The following ROBO2 variants were observed in gnomAD, a reference collection of about 807,000 sequenced individuals.
The protein encoded by ROBO2 is roundabout homolog 2.
A neutral mutation model predicts 160.8 loss-of-function variants in ROBO2; 53 were observed. The observed-to-expected ratio is 0.33, with a 90% CI of 0.26 to 0.41. The LOEUF (loss-of-function observed/expected upper bound fraction) is 0.41, where lower values mean the gene tolerates loss of function less well. Among genes scored for constraint, ROBO2 ranks in the 10% least tolerant of loss-of-function variants. The pLI, the probability that ROBO2 is intolerant of heterozygous loss-of-function variation, is 1.00. For synonymous variants in ROBO2, 664 were observed against 611.7 expected, an observed-to-expected ratio of 1.09 and a Z score of -1.26; for missense variants, 1,577 against 1,722.4, an observed-to-expected ratio of 0.92 and a Z score of 1.49.
chr3:76,126,146 C>T (rs2070979961), intron 2 of ROBO2, among the ~76,000 whole-genome samples: 1 of 152,126 alleles, frequency 6.6e-6, no homozygotes, highest in Non-Finnish European at 1.5e-5. Context: ...GGAAAAATAG[C>T]ATTGTCAGTA....
chr3:76,406,086 AT>A lies in ROBO2; in HGVS notation c.109+468490del, dbSNP rs1212326241. Among the ~76,000 whole-genome samples, 11 of 151,762 alleles carry A rather than the reference AT, an allele frequency of 7.2e-5. 1 individual carries two copies. In the South Asian group the frequency reaches 1.5e-3, roughly 20 times the overall value. ...AACCAAGAATTATATTTATTACACA[AT>A]TTTTTCATTTCAGTATTGATTGTAT... On this transcript the variant is annotated intron_variant, in intron 2 of 26. Coordinates refer to the ROBO2 transcript ENST00000487694.
chr3:76,583,791 A>G (rs1450044898), intron 2 of ROBO2, among the ~76,000 whole-genome samples: 1 of 152,116 alleles, frequency 6.6e-6, no homozygotes, highest in East Asian at 1.9e-4. Context: ...TATAACCCAT[A>G]TGCCTTTATT....
At chr3:76,010,920 A>G (rs2066173287) in intron 2 of ROBO2, among the ~76,000 whole-genome samples, 1 of 152,220 alleles carries the variant, frequency 6.6e-6, no homozygotes, top group South Asian at 2.1e-4. Context: ...TTAGTACAAA[A>G]TATTGCCCAA....
intron 1 of ROBO2, among the ~76,000 whole-genome samples, chr3:77,081,862 G>A (rs2068702440): frequency 6.6e-6 from 1 of 152,128 alleles, no homozygotes; most frequent in Non-Finnish European, 1.5e-5. Flanking sequence ...TGCTTGGGTG[G>A]TTTTGGTAAT....
intron 2 of ROBO2, among the ~76,000 whole-genome samples, chr3:77,183,630 T>C (rs2081008560): frequency 6.6e-6 from 1 of 152,016 alleles, no homozygotes; most frequent in Non-Finnish European, 1.5e-5. Flanking sequence ...AAACAATATA[T>C]TTCTTTTGTG....
chr3:76,876,411 A>C (rs930607738), intron 2 of ROBO2, among the ~76,000 whole-genome samples: 1 of 152,210 alleles, frequency 6.6e-6, no homozygotes, highest in African/African-American at 2.4e-5. Flanking sequence ...ATGGTGGCTC[A>C]TGCCTGTAAT....
intron 1 of ROBO2, among the ~76,000 whole-genome samples, chr3:77,064,127 C>G (rs1461164040): frequency 6.6e-6 from 1 of 152,014 alleles, no homozygotes; most frequent in Non-Finnish European, 1.5e-5. Context: ...ATTGTTTTCA[C>G]TTATTATGCT....
intron 2 of ROBO2, among the ~76,000 whole-genome samples, chr3:77,004,515 G>C (rs1009197469): frequency 1.3e-5 from 2 of 152,118 alleles, no homozygotes; most frequent in Admixed American, 6.5e-5. Flanking sequence ...CTTGCCTGAA[G>C]CTATACAATG....
intron 2 of ROBO2, among the ~76,000 whole-genome samples, chr3:77,141,992 G>C (rs1037204662): frequency 1.3e-5 from 2 of 152,098 alleles, no homozygotes; most frequent in African/African-American, 4.8e-5. Context: ...TTAAAAATAT[G>C]GGCACCATTT....
intron 2 of ROBO2, among the ~76,000 whole-genome samples, chr3:76,856,817 A>G (rs899154403): frequency 3.3e-5 from 5 of 152,228 alleles, no homozygotes; most frequent in African/African-American, 1.2e-4. Context: ...ACAACCCTGT[A>G]TTAGCAGACA....
intron 2 of ROBO2, among the ~76,000 whole-genome samples, chr3:76,475,553 A>C (rs2078889823): frequency 6.6e-6 from 1 of 152,020 alleles, no homozygotes; most frequent in African/African-American, 2.4e-5. Flanking sequence ...TTCCTCATTA[A>C]AAAAAATTTC....
chr3:76,481,471 T>C (rs1443454331), intron 2 of ROBO2, among the ~76,000 whole-genome samples: 4 of 152,154 alleles, frequency 2.6e-5, no homozygotes, highest in African/African-American at 9.6e-5. Context: ...AGCACATTCA[T>C]TGTATAGACA....
chr3:77,376,438 G>A (rs1420911008), intron 2 of ROBO2, among the ~76,000 whole-genome samples: 2 of 151,894 alleles, frequency 1.3e-5, no homozygotes, highest in African/African-American at 4.8e-5. Context: ...GATTACAGAC[G>A]TGAGCCACCG....
intron 2 of ROBO2, among the ~76,000 whole-genome samples, chr3:76,880,072 T>C (rs1387207700): frequency 6.6e-6 from 1 of 152,172 alleles, no homozygotes; most frequent in African/African-American, 2.4e-5. Context: ...CATGAATCCT[T>C]ATTTCTGTAA....
chr3:76,065,467 G>T (rs183973174), intron 2 of ROBO2, among the ~76,000 whole-genome samples: 3 of 151,902 alleles, frequency 2.0e-5, no homozygotes, highest in South Asian at 2.1e-4. Context: ...ACCAAAGATT[G>T]TTGGCCACTA....
chr3:76,231,738 A>G (rs1559666978), intron 2 of ROBO2, among the ~76,000 whole-genome samples: 2 of 152,294 alleles, frequency 1.3e-5, no homozygotes, highest in East Asian at 3.9e-4. Flanking sequence ...GGATGAAGCA[A>G]TCTTCTGTAT....
At chr3:77,007,906 G>T (rs1011199579) in intron 2 of ROBO2, among the ~76,000 whole-genome samples, 6 of 151,890 alleles carry the variant, frequency 4.0e-5, no homozygotes, top group African/African-American at 1.4e-4. Flanking sequence ...ACTTGCCAAA[G>T]AATTATGTAC....
chr3:77,340,111 A>G (rs534799110), intron 2 of ROBO2, among the ~76,000 whole-genome samples: 2 of 152,230 alleles, frequency 1.3e-5, no homozygotes, highest in East Asian at 3.9e-4. Context: ...GTTCTTTGCT[A>G]TCATAAGTGG....
In ROBO2 at chr3:76,351,180, T is replaced by C. The variant is rs185337632; in HGVS notation, c.109+413578T>C. 5.7e-3 allele frequency among the ~76,000 whole-genome samples: 863 copies of C among 152,046 alleles called. 6 individuals carry two copies. Among genetic ancestry groups the C allele is most frequent in the African/African-American group, 0.02 (817 of 41,528 alleles). On this transcript the variant is annotated intron_variant, in intron 2 of 26. Coordinates refer to the ROBO2 transcript ENST00000487694. ...AAAAAATTGAACCACAGAAAGTTTA[T>C]CATTATGCCAACATCACATGTGGCT...
Sources: gnomAD v4.1 joint callset for allele counts (sites outside exome capture counted in the v4.1 genomes callset) on GRCh38, gnomAD v4.1.1 for gene constraint, MANE v1.5 for transcripts, NCBI Gene and HGNC (gene_info 2026-07-23, HGNC 2026-07-21) for gene names.